The following NDUFAF2 variants were observed in gnomAD, a reference collection of about 807,000 sequenced individuals.
NDUFAF2 encodes NADH:ubiquinone oxidoreductase complex assembly factor 2, also known as NADH dehydrogenase [ubiquinone] 1 alpha subcomplex assembly factor 2.
In NDUFAF2, 13 loss-of-function variants were observed where a neutral mutation model predicts 22.8. The observed-to-expected ratio is 0.57, with a 90% confidence interval of 0.37 to 0.91. NDUFAF2 has a LOEUF of 0.91. Ranked by LOEUF, NDUFAF2 falls within the 40% of genes least tolerant of loss-of-function variation. The probability of loss-of-function intolerance (pLI) is 0.01; values close to 1 mark genes in which losing one functional copy is unlikely to be tolerated. For missense variants in NDUFAF2, 162 were observed against 195.2 expected (o/e 0.83, Z 1.01); for synonymous variants, 53 against 64.2 (o/e 0.83, Z 0.84).
chr5:61,136,026 T>TA (rs1740929198), intron 3 of NDUFAF2, among the ~76,000 whole-genome samples: 1 of 115,056 alleles, frequency 8.7e-6, no homozygotes, highest in African/African-American at 3.3e-5. Flanking sequence ...TATATATATA[T>TA]ATATATATAT....
At chr5:61,126,630 G>A (rs541337663) in intron 3 of NDUFAF2, among the ~76,000 whole-genome samples, 11 of 152,094 alleles carry the variant, frequency 7.2e-5, no homozygotes, top group South Asian at 2.1e-4. Context: ...AAGTCAGTAC[G>A]TATTTTCACA....
chr5:60,993,084 G>A (rs761563209), intron 1 of NDUFAF2, among the ~76,000 whole-genome samples: 1 of 152,246 alleles, frequency 6.6e-6, no homozygotes, highest in Admixed American at 6.5e-5. Flanking sequence ...AGCGGCAAGA[G>A]GTATGTGAGC....
intron 2 of NDUFAF2, among the ~76,000 whole-genome samples, chr5:61,095,527 G>T (rs77307722): frequency 0.015 from 2,252 of 152,238 alleles, 61 homozygotes; most frequent in African/African-American, 0.052. Context: ...CTTCCTAGGG[G>T]TATGTACAGA....
intron 3 of NDUFAF2, among the ~76,000 whole-genome samples, chr5:61,129,548 A>C (rs1753082066): frequency 6.6e-6 from 1 of 151,952 alleles, no homozygotes; most frequent in African/African-American, 2.4e-5. Flanking sequence ...AAGGACAAAA[A>C]ACCAAACACC....
intron 1 of NDUFAF2, among the ~76,000 whole-genome samples, chr5:60,958,043 A>G (rs56031340): frequency 0.39 from 58,747 of 152,044 alleles, 12,362 homozygotes; most frequent in East Asian, 0.8. Flanking sequence ...CTCAGAACCT[A>G]TTTTTGGAAA....
At chr5:61,014,598 T>G (rs1272834173) in intron 1 of NDUFAF2, among the ~76,000 whole-genome samples, 5 of 152,160 alleles carry the variant, frequency 3.3e-5, no homozygotes, top group African/African-American at 1.2e-4. Flanking sequence ...GTGTCTGAAG[T>G]ACCAATAGTC....
intron 1 of NDUFAF2, among the ~76,000 whole-genome samples, chr5:60,993,256 C>A (rs1228665896): frequency 6.6e-6 from 1 of 152,182 alleles, no homozygotes; most frequent in African/African-American, 2.4e-5. Flanking sequence ...CGTGGTGTCG[C>A]CTAGCAGCTT....
At chr5:61,138,597 T>C (rs1196700899) in intron 3 of NDUFAF2, among the ~76,000 whole-genome samples, 2 of 152,270 alleles carry the variant, frequency 1.3e-5, no homozygotes, top group African/African-American at 2.4e-5. Context: ...GCTGGAAGGC[T>C]CCTCTCTATG....
At position 61,071,155 on chromosome 5, in the gene NDUFAF2, A is replaced by T. The variant is rs556185631; in HGVS notation, c.128-1970A>T. On this transcript the variant is annotated intron_variant, in intron 1 of 3. Transcript: ENST00000296597. ...TGAACCTCTACTGTGAGAGAAATGCAGTTGTCATTGTTATATGCTCCTTGT... is the reference window on the plus strand; with the variant it reads ...TGAACCTCTACTGTGAGAGAAATGCTGTTGTCATTGTTATATGCTCCTTGT... Among the ~76,000 whole-genome samples the T allele has an allele frequency of 1.1e-4, 16 of 152,312 alleles. No homozygotes were observed. The South Asian group carries it at 2.5e-3, about 24-fold the overall frequency.
intron 1 of NDUFAF2, among the ~76,000 whole-genome samples, chr5:60,996,451 T>C (rs1332907971): frequency 6.6e-6 from 1 of 151,894 alleles, no homozygotes; most frequent in Admixed American, 6.6e-5. Flanking sequence ...TTCCCTCTCC[T>C]CTCCTTAAAC....
chr5:61,144,454 G>C (rs1288561288), intron 3 of NDUFAF2, among the ~76,000 whole-genome samples: 1 of 152,056 alleles, frequency 6.6e-6, no homozygotes, highest in Admixed American at 6.6e-5. Flanking sequence ...TTCTTGTTAA[G>C]TATATGTATA....
chr5:61,058,457 T>G (rs769857676), intron 1 of NDUFAF2, among the ~76,000 whole-genome samples: 1 of 152,034 alleles, frequency 6.6e-6, no homozygotes, highest in Non-Finnish European at 1.5e-5. Flanking sequence ...TGGAATTTGT[T>G]TGCTTGAGTC....
Position 60,981,457 on chromosome 5 carries a change from G to A in NDUFAF2, c.127+36075G>A, listed in dbSNP as rs535947522. ...GGGAGTTTTTAAGTGTGAAAGAAAAGGACATTAATGAACAATAAGAAATCA... is the reference window on the plus strand; with the variant it reads ...GGGAGTTTTTAAGTGTGAAAGAAAAAGACATTAATGAACAATAAGAAATCA... On this transcript the variant is annotated intron_variant, in intron 1 of 3. Transcript: ENST00000296597. 7.2e-5 allele frequency among the ~76,000 whole-genome samples: 11 copies of A among 152,212 alleles called. No homozygotes were observed. In the South Asian group the frequency reaches 1.9e-3, roughly 26 times the overall value.
intron 3 of NDUFAF2, among the ~76,000 whole-genome samples, chr5:61,100,599 G>A (rs1472349291): frequency 6.6e-6 from 1 of 151,542 alleles, no homozygotes; most frequent in Non-Finnish European, 1.5e-5. Context: ...TGTGTTTCAG[G>A]AATTTCTGTT....
intron 1 of NDUFAF2, among the ~76,000 whole-genome samples, chr5:61,068,008 A>G (rs1187439119): frequency 1.3e-5 from 2 of 152,114 alleles, no homozygotes; most frequent in Non-Finnish European, 2.9e-5. Flanking sequence ...TCCCTTAAAT[A>G]TATACAATGA....
At chr5:61,132,847 A>G (rs1213424352) in intron 3 of NDUFAF2, among the ~76,000 whole-genome samples, 8 of 152,068 alleles carry the variant, frequency 5.3e-5, no homozygotes, top group Non-Finnish European at 1.2e-4. Flanking sequence ...TGACTGCTGT[A>G]CTTCTAGTTG....
intron 1 of NDUFAF2, among the ~76,000 whole-genome samples, chr5:61,050,938 A>G (rs978266788): frequency 2.6e-5 from 4 of 152,200 alleles, no homozygotes; most frequent in Non-Finnish European, 5.9e-5. Flanking sequence ...AGAACTCTAA[A>G]GTATTTTTAA....
In NDUFAF2 at chr5:60,945,440, A is replaced by AG. The variant is rs1190062783; in HGVS notation, c.127+61dup. On this transcript the variant is annotated intron_variant, in intron 1 of 3. Coordinates refer to ENST00000296597, the MANE Select transcript of NDUFAF2 (RefSeq NM_174889.5). ...TCAGTGATTGCGAGGTCAGTAAAGG[A>AG]GGGAAAAGTGAGAGCCCCTAGTCAA... is the stretch of plus-strand genomic sequence containing the variant. 1.9e-6 allele frequency: 3 copies of AG among 1,613,288 alleles called. No individual in the cohort carries two copies. In the East Asian group the frequency reaches 6.7e-5, roughly 36 times the overall value.
chr5:61,028,718 A>G (rs1438337946), intron 1 of NDUFAF2, among the ~76,000 whole-genome samples: 3 of 152,146 alleles, frequency 2.0e-5, no homozygotes, highest in Admixed American at 2.0e-4. Flanking sequence ...ATTCCCAGAA[A>G]TGGCATTGCT....
Sources: allele counts gnomAD v4.1 joint callset (sites outside exome capture counted in the v4.1 genomes callset), GRCh38; gene constraint gnomAD v4.1.1; transcripts MANE v1.5; gene names NCBI Gene and HGNC (gene_info 2026-07-23, HGNC 2026-07-21).